Variants in CEPT1 observed in about 807,000 individuals in gnomAD.
CEPT1 encodes choline/ethanolamine phosphotransferase 1.
A neutral mutation model predicts 42.6 loss-of-function variants in CEPT1; 7 were observed. That is an observed-to-expected ratio of 0.16 (90% CI 0.09 to 0.31). The LOEUF is 0.31. Among genes scored for constraint, CEPT1 ranks in the 10% least tolerant of loss-of-function variants. The pLI, the probability that CEPT1 is intolerant of heterozygous loss-of-function variation, is 1.00. For missense variants in CEPT1, 306 were observed against 502.1 expected (o/e 0.61, Z 3.73); for synonymous variants, 171 against 171.9 (o/e 0.99, Z 0.04).
At chr1:111,140,150 T>G (rs1180336441), upstream of CEPT1, 1 of 152,210 alleles carries the variant, frequency 6.6e-6, no homozygotes, top group Non-Finnish European at 1.5e-5. Context: ...CGGGGCGCGC[T>G]CACGGCACCG....
chr1:111,170,088 G>A (rs1411479162), intron 4 of CEPT1, among the ~76,000 whole-genome samples: 2 of 152,142 alleles, frequency 1.3e-5, no homozygotes, highest in Non-Finnish European at 2.9e-5. Context: ...ACTCCCCAGT[G>A]GTTGGCAAAT....
chr1:111,146,258 AC>A (rs1654958218), intron 1 of CEPT1, among the ~76,000 whole-genome samples: 1 of 152,008 alleles, frequency 6.6e-6, no homozygotes, highest in African/African-American at 2.4e-5. Context: ...TCTCACTCTT[AC>A]CAAAACTCCA....
At chr1:111,149,429 AT>A (rs1266006840) in intron 2 of CEPT1, among the ~76,000 whole-genome samples, 1 of 151,914 alleles carries the variant, frequency 6.6e-6, no homozygotes, top group Non-Finnish European at 1.5e-5. Context: ...CGCCCGGCTA[AT>A]TTTTGTATTT....
intron 4 of CEPT1, among the ~76,000 whole-genome samples, chr1:111,163,493 G>A (rs760431246): frequency 5.3e-5 from 8 of 151,970 alleles, no homozygotes; most frequent in African/African-American, 1.5e-4. Flanking sequence ...AGCCAAGCAC[G>A]GTGGCGCATG....
chr1:111,174,567 C>T (rs1014795545), intron 4 of CEPT1, among the ~76,000 whole-genome samples: 5 of 147,080 alleles, frequency 3.4e-5, no homozygotes, highest in African/African-American at 1.2e-4. Context: ...TTTAATACCT[C>T]CTCAATTTTT....
chr1:111,182,381 G>T (rs764995173), intron 6 of CEPT1, 63 bp downstream of exon 6: 128 of 1,486,692 alleles, frequency 8.6e-5, no homozygotes, highest in Non-Finnish European at 1.1e-4. Context: ...TTGTCATTTT[G>T]TTTTTTATTT....
Position 111,147,653 on chromosome 1 carries a change from C to A in CEPT1, c.-62C>A. 1.6e-6 allele frequency: 2 copies of A among 1,219,000 alleles called. No homozygotes were observed. Among genetic ancestry groups the A allele is most frequent in the Non-Finnish European group, 1.1e-6 (1 of 877,040 alleles). 75.5% of individuals were successfully genotyped at this position (1,219,000 alleles called of 1,614,324 possible). A position where few individuals can be genotyped will look rare whatever the true frequency, so the allele number is the denominator to read the frequency against. ...ATTTTATTTTTTAGGTAAGCACCAG[C>A]CACAAAAACCTACAAAAGAAGGGAA... On this transcript the variant is annotated 5_prime_UTR_variant, in exon 2 of 9. Coordinates refer to ENST00000357172, the MANE Select transcript of CEPT1 (RefSeq NM_006090.5).
chr1:111,159,661 G>A (rs2101306007), intron 3 of CEPT1, 134 bp downstream of exon 3: 1 of 617,704 alleles, frequency 1.6e-6, no homozygotes, highest in East Asian at 3.5e-5. Flanking sequence ...AAAAGACTAT[G>A]AACCTAGTTA....
chr1:111,184,425 C>A lies in CEPT1; in HGVS notation c.*115C>A. The stretch of plus-strand genomic sequence containing the variant: ...ATTTATAATAATCAATGTTGTATAA[C>A]TTTTATTCTTTATTATTGGTAACAC... On this transcript the variant is annotated 3_prime_UTR_variant, in exon 9 of 9. Transcript: ENST00000357172. 1 of 769,538 alleles carries A rather than the reference C, an allele frequency of 1.3e-6. No homozygotes were observed. The allele number at this position is 769,538 out of a possible 1,614,324, so 47.7% of individuals were successfully genotyped here. A position where few individuals can be genotyped will look rare whatever the true frequency, so the allele number is the denominator to read the frequency against.
chr1:111,178,898 C>T (rs1465993257), intron 5 of CEPT1: 1 of 152,156 alleles, frequency 6.6e-6, no homozygotes, highest in African/African-American at 2.4e-5. Context: ...TGCCTTTACA[C>T]TTAAATAATT....
chr1:111,159,548 GTTAT>G, intron 3 of CEPT1, 21 bp downstream of exon 3: 1 of 1,594,386 alleles, frequency 6.3e-7, no homozygotes, highest in Non-Finnish European at 8.5e-7. Context: ...TTTTTTTAAT[GTTAT>G]TGATTATTAA....
chr1:111,156,372 T>C (rs1031533229), intron 2 of CEPT1, among the ~76,000 whole-genome samples: 7 of 152,228 alleles, frequency 4.6e-5, no homozygotes, highest in African/African-American at 1.7e-4. Context: ...GAAGAATGTG[T>C]ATTCTGCAGC....
chr1:111,175,585 T>C (rs543075516), intron 5 of CEPT1, among the ~76,000 whole-genome samples: 1 of 152,276 alleles, frequency 6.6e-6, no homozygotes, highest in African/African-American at 2.4e-5. Flanking sequence ...TGGCCTACTG[T>C]GTGAACTTAA....
intron 4 of CEPT1, chr1:111,167,250 C>T: frequency 2.0e-6 from 2 of 985,116 alleles, no homozygotes; most frequent in African/African-American, 3.5e-5. Flanking sequence ...ATAAAGACAG[C>T]ACCTTTGTCA....
intron 8 of CEPT1, 143 bp from the exon 9 acceptor site, chr1:111,184,048 G>A: frequency 2.3e-6 from 2 of 869,790 alleles, no homozygotes; most frequent in Non-Finnish European, 1.8e-6. Context: ...GAGTTTGTAT[G>A]TGAAGGAAAG....
intron 4 of CEPT1, among the ~76,000 whole-genome samples, chr1:111,169,777 G>A (rs554572519): frequency 2.0e-5 from 3 of 152,256 alleles, no homozygotes; most frequent in Non-Finnish European, 4.4e-5. Flanking sequence ...TTATTAGCAT[G>A]TAAACTATCT....
At chr1:111,177,080 CTT>C (rs1656714290) in intron 5 of CEPT1, among the ~76,000 whole-genome samples, 2 of 152,158 alleles carry the variant, frequency 1.3e-5, no homozygotes, top group African/African-American at 4.8e-5. Flanking sequence ...TCAACAATAT[CTT>C]TATACCACAC....
chr1:111,177,079 T>C (rs1656714010), intron 5 of CEPT1, among the ~76,000 whole-genome samples: 1 of 152,188 alleles, frequency 6.6e-6, no homozygotes, highest in African/African-American at 2.4e-5. Flanking sequence ...TTCAACAATA[T>C]CTTTATACCA....
intron 1 of CEPT1, chr1:111,143,540 A>G (rs1377309260): frequency 1.3e-5 from 2 of 152,170 alleles, no homozygotes; most frequent in Admixed American, 1.3e-4. Flanking sequence ...AATGCATTGG[A>G]AACTGGTAAT....
Sources: gnomAD v4.1 joint callset for allele counts (sites outside exome capture counted in the v4.1 genomes callset) on GRCh38, gnomAD v4.1.1 for gene constraint, MANE v1.5 for transcripts, NCBI Gene and HGNC (gene_info 2026-07-23, HGNC 2026-07-21) for gene names.